Variants in TDRP observed in about 807,000 individuals in gnomAD.
TDRP encodes testis development-related protein.
Under a neutral mutation model 10.5 loss-of-function variants are expected in TDRP, and 12 were observed. That is an observed-to-expected ratio of 1.15 (90% CI 0.73 to 1.86). TDRP has a LOEUF of 1.86. TDRP is among the 40% of genes most tolerant of loss of function. The pLI is 0.00. For synonymous variants in TDRP, 139 were observed against 95.4 expected, an observed-to-expected ratio of 1.46 and a Z score of -2.67; for missense variants, 353 against 229.2, an observed-to-expected ratio of 1.54 and a Z score of -3.49.
At chr8:500,997 G>C (rs1801277664) in intron 1 of TDRP, among the ~76,000 whole-genome samples, 1 of 152,120 alleles carries the variant, frequency 6.6e-6, no homozygotes, top group Non-Finnish European at 1.5e-5. Flanking sequence ...ACAAGGTCAG[G>C]AGATCGAGAC....
intron 1 of TDRP, among the ~76,000 whole-genome samples, chr8:504,934 A>G (rs901995280): frequency 6.6e-6 from 1 of 152,170 alleles, no homozygotes; most frequent in Admixed American, 6.5e-5. Flanking sequence ...TAAGATACAT[A>G]TTTGGAAAGA....
In TDRP at chr8:492,274, T is replaced by A; in HGVS notation, c.*125A>T. 7.5e-7 allele frequency: 1 copy of A among 1,336,172 alleles called. No homozygotes were observed. Among genetic ancestry groups the A allele is most frequent in the East Asian group, 2.7e-5 (1 of 36,388 alleles). 82.8% of individuals were successfully genotyped at this position (1,336,172 alleles called of 1,614,324 possible). A position where few individuals can be genotyped will look rare whatever the true frequency, so the allele number is the denominator to read the frequency against. ...AGTTCATTAAATAAAGAAACAGAGG[T>A]CCAAATATCAAATATAGGCAAAAAG... is the stretch of plus-strand genomic sequence containing the variant. On this transcript the variant is annotated 3_prime_UTR_variant, in exon 3 of 3. Coordinates refer to ENST00000324079, the MANE Select transcript of TDRP (RefSeq NM_001384899.1).
intron 1 of TDRP, among the ~76,000 whole-genome samples, chr8:536,967 C>G (rs1348168838): frequency 1.3e-5 from 2 of 152,156 alleles, no homozygotes; most frequent in Non-Finnish European, 2.9e-5. Flanking sequence ...ATATGAGAGT[C>G]CAATGAGACT....
At position 493,962 on chromosome 8, in the gene TDRP, T is replaced by A. The variant is rs567317595; in HGVS notation, c.212+532A>T. ...TTTATCCAAAGTACAGTTTCTTTTTTTTTCATCGAACACCACAACTCATTT... is the reference window on the plus strand; with the variant it reads ...TTTATCCAAAGTACAGTTTCTTTTTATTTCATCGAACACCACAACTCATTT... On this transcript the variant is annotated intron_variant, in intron 2 of 2. Coordinates refer to ENST00000324079, the MANE Select transcript of TDRP (RefSeq NM_001384899.1). Among the ~76,000 whole-genome samples, 3 of 151,864 alleles carry A rather than the reference T, an allele frequency of 2.0e-5. No individual in the cohort carries two copies. The East Asian group carries it at 5.8e-4, about 29-fold the overall frequency.
chr8:521,591 A>G (rs946874922), intron 1 of TDRP, among the ~76,000 whole-genome samples: 30 of 152,142 alleles, frequency 2.0e-4, no homozygotes, highest in African/African-American at 6.8e-4. Flanking sequence ...ATTGTTCTAT[A>G]TGTCCGTGTT....
intron 1 of TDRP, among the ~76,000 whole-genome samples, chr8:506,290 G>T (rs746728393): frequency 7.2e-5 from 11 of 152,122 alleles, no homozygotes; most frequent in Non-Finnish European, 1.3e-4. Context: ...GAGCAAACAA[G>T]ACCATTTACC....
intron 1 of TDRP, among the ~76,000 whole-genome samples, chr8:519,215 G>A (rs1022653014): frequency 6.6e-6 from 1 of 152,184 alleles, no homozygotes; most frequent in African/African-American, 2.4e-5. Flanking sequence ...CATGTGCTGA[G>A]AGCATGCATG....
intron 1 of TDRP, among the ~76,000 whole-genome samples, chr8:537,459 ACCT>A (rs950150852): frequency 1.1e-3 from 160 of 152,104 alleles, no homozygotes; most frequent in African/African-American, 3.6e-3. Flanking sequence ...TAATAACAAG[ACCT>A]CCTTTTTCTT....
intron 1 of TDRP, among the ~76,000 whole-genome samples, chr8:497,533 C>A (rs1048139938): frequency 1.3e-5 from 2 of 152,146 alleles, no homozygotes; most frequent in Non-Finnish European, 2.9e-5. Flanking sequence ...GAAATTGGAA[C>A]TTATGTTTAA....
chr8:515,005 C>G (rs1801720112), intron 1 of TDRP, among the ~76,000 whole-genome samples: 1 of 152,170 alleles, frequency 6.6e-6, no homozygotes, highest in Non-Finnish European at 1.5e-5. Context: ...TATTCCAATT[C>G]AGCTAATATG....
Position 491,814 on chromosome 8 carries a change from G to T in TDRP, c.*585C>A. The T allele has an allele frequency of 8.0e-7, 1 of 1,249,466 alleles. No homozygotes were observed. The highest frequency in any genetic ancestry group is 3.1e-5 in the East Asian group (1 of 31,946). The allele number at this position is 1,249,466 out of a possible 1,614,324, so 77.4% of individuals were successfully genotyped here. On this transcript the variant is annotated 3_prime_UTR_variant, in exon 3 of 3. Transcript: ENST00000324079. ...AGAAGCTATTCCTCCCTCAGCAAAA[G>T]ATGAACATGCATTTTAAGATACATT...
Position 492,740 on chromosome 8 carries a change from T to A in TDRP, c.217A>T (p.Asn73Tyr). The A allele has an allele frequency of 1.2e-6, 2 of 1,609,400 alleles. No individual in the cohort carries two copies. The highest frequency in any genetic ancestry group is 3.3e-4 in the Middle Eastern group (2 of 6,028). ...TTCAACTCTTCTTTTAATCGTAAGTTAGTTCTATAGGAGATGAAAGAGTTA... is the reference window on the plus strand; with the variant it reads ...TTCAACTCTTCTTTTAATCGTAAGTAAGTTCTATAGGAGATGAAAGAGTTA... ...RCKSPKSKGT[N>Y]LRLKEELKAE... is the part of the protein sequence containing the mutation. The change falls in exon 3 of 3, where the codon AAC becomes TAC. Residue 73 changes from asparagine (N) to tyrosine (Y), a missense_variant. By Grantham distance (143) the Asn-to-Tyr change is moderately radical. Coordinates refer to ENST00000324079, the MANE Select transcript of TDRP (RefSeq NM_001384899.1).
chr8:534,505 G>C (rs1802294727), intron 1 of TDRP, among the ~76,000 whole-genome samples: 1 of 152,160 alleles, frequency 6.6e-6, no homozygotes, highest in Non-Finnish European at 1.5e-5. Flanking sequence ...TCTAACACAG[G>C]TGCTCCCTCC....
chr8:532,003 AAAAC>A (rs945519692), intron 1 of TDRP, among the ~76,000 whole-genome samples: 41 of 152,352 alleles, frequency 2.7e-4, no homozygotes, highest in African/African-American at 9.4e-4. Context: ...ATAGCAGAAC[AAAAC>A]AAACAAAAGA....
chr8:502,269 T>C (rs574170945), intron 1 of TDRP, among the ~76,000 whole-genome samples: 2 of 152,356 alleles, frequency 1.3e-5, no homozygotes, highest in South Asian at 2.1e-4. Context: ...AAACTGGCCA[T>C]TCTGGAAAAC....
At chr8:494,052 G>A (rs1801059947) in intron 2 of TDRP, among the ~76,000 whole-genome samples, 1 of 138,656 alleles carries the variant, frequency 7.2e-6, no homozygotes, top group African/African-American at 2.7e-5. Context: ...TCTCCCACAG[G>A]TTCAAGCAAT....
At chr8:498,163 C>A (rs527471518) in intron 1 of TDRP, among the ~76,000 whole-genome samples, 11 of 152,080 alleles carry the variant, frequency 7.2e-5, no homozygotes, top group African/African-American at 2.7e-4. Flanking sequence ...AGAGGGCCAC[C>A]GTCTTCTCAG....
At chr8:515,371 G>T (rs1006945355) in intron 1 of TDRP, among the ~76,000 whole-genome samples, 1 of 152,198 alleles carries the variant, frequency 6.6e-6, no homozygotes, top group Non-Finnish European at 1.5e-5. Flanking sequence ...CACACTGAAA[G>T]TACAGTTTGA....
At chr8:504,433 G>T (rs73527937) in intron 1 of TDRP, among the ~76,000 whole-genome samples, 1 of 152,102 alleles carries the variant, frequency 6.6e-6, no homozygotes, top group East Asian at 1.9e-4. Flanking sequence ...GGCAGGGGAA[G>T]GGCCTAGAGC....
Sources: gnomAD v4.1 joint callset for allele counts (sites outside exome capture counted in the v4.1 genomes callset) on GRCh38, gnomAD v4.1.1 for gene constraint, MANE v1.5 for transcripts, NCBI Gene and HGNC (gene_info 2026-07-23, HGNC 2026-07-21) for gene names.